CACNA1E: variants seen among roughly 807,000 people sequenced by gnomAD.
CACNA1E encodes voltage-dependent R-type calcium channel subunit alpha-1E.
A neutral mutation model predicts 259.2 loss-of-function variants in CACNA1E; 40 were observed. That is an observed-to-expected ratio of 0.15 (90% CI 0.12 to 0.20). CACNA1E has a LOEUF of 0.20. Ranked by LOEUF, CACNA1E falls within the 10% of genes least tolerant of loss-of-function variation. The pLI is 1.00. For synonymous variants in CACNA1E, 1,104 were observed against 1,138.5 expected (o/e 0.97, Z 0.61); for missense variants, 1,874 against 3,040.1 (o/e 0.62, Z 9.02).
intron 18 of CACNA1E, among the ~76,000 whole-genome samples, chr1:181,726,758 C>T (rs750241277): frequency 1.3e-4 from 20 of 152,016 alleles, no homozygotes; most frequent in Middle Eastern, 6.8e-3. Context: ...GCATAATGGA[C>T]TGTAGGGGCC....
At chr1:181,579,945 T>C (rs541502772) in intron 5 of CACNA1E, among the ~76,000 whole-genome samples, 1 of 152,328 alleles carries the variant, frequency 6.6e-6, no homozygotes, top group South Asian at 2.1e-4. Flanking sequence ...ATTGTTAGGG[T>C]ACACAACCCC....
intron 1 of CACNA1E, among the ~76,000 whole-genome samples, chr1:181,359,835 G>A (rs1653728564): frequency 6.6e-6 from 1 of 152,186 alleles, no homozygotes; most frequent in African/African-American, 2.4e-5. Context: ...TATTCTGCTA[G>A]AGAAGAAACT....
chr1:181,578,583 T>C (rs763688845), intron 4 of CACNA1E, among the ~76,000 whole-genome samples: 17 of 152,174 alleles, frequency 1.1e-4, no homozygotes, highest in Non-Finnish European at 2.2e-4. Context: ...AAAAAATTCT[T>C]ATATGTGTTA....
chr1:181,664,619 TTC>T (rs1270050725), intron 7 of CACNA1E, among the ~76,000 whole-genome samples: 1 of 152,290 alleles, frequency 6.6e-6, no homozygotes, highest in East Asian at 1.9e-4. Flanking sequence ...TTAATTAAAA[TTC>T]TGTCTCCTTT....
chr1:181,449,743 G>T (rs1283673188), intron 2 of CACNA1E, among the ~76,000 whole-genome samples: 4 of 152,156 alleles, frequency 2.6e-5, no homozygotes, highest in Non-Finnish European at 4.4e-5. Context: ...GTGCTAGGCT[G>T]TGAATTCCTT....
At chr1:181,775,921 G>A (rs969155610) in intron 37 of CACNA1E, among the ~76,000 whole-genome samples, 180 bp from the exon 38 acceptor site, 1 of 152,156 alleles carries the variant, frequency 6.6e-6, no homozygotes, top group South Asian at 2.1e-4. Flanking sequence ...TCTGTGATCC[G>A]GCACTTGGAT....
intron 6 of CACNA1E, among the ~76,000 whole-genome samples, chr1:181,622,912 C>T (rs1287912490): frequency 1.3e-5 from 2 of 152,174 alleles, no homozygotes; most frequent in Non-Finnish European, 2.9e-5. Context: ...TGCTTAGGAG[C>T]TTTTTCTGGG....
intron 43 of CACNA1E, among the ~76,000 whole-genome samples, chr1:181,786,086 TG>T (rs1660823279): frequency 6.6e-6 from 1 of 152,166 alleles, no homozygotes; most frequent in Non-Finnish European, 1.5e-5. Context: ...TTAATATACT[TG>T]GGTCTTATAG....
intron 1 of CACNA1E, among the ~76,000 whole-genome samples, chr1:181,353,774 T>TA (rs1285233334): frequency 2.0e-5 from 3 of 152,152 alleles, no homozygotes; most frequent in African/African-American, 7.2e-5. Context: ...GGAACATAGA[T>TA]AGATTCTACC....
At position 181,520,872 on chromosome 1, in the gene CACNA1E, C is replaced by A. The variant is rs149668474; in HGVS notation, c.512+9362C>A. Among the ~76,000 whole-genome samples, 352 of 152,258 alleles carry A rather than the reference C, an allele frequency of 2.3e-3. 2 individuals are homozygous for A. Among genetic ancestry groups the A allele is most frequent in the Middle Eastern group, 6.8e-3 (2 of 294 alleles). On this transcript the variant is annotated intron_variant, in intron 3 of 47. Coordinates refer to ENST00000367573, the MANE Select transcript of CACNA1E (RefSeq NM_001205293.3). Reference sequence around the variant, plus strand: ...TCCCTTTCTTTGTCTTCTATCCTCCCCACTTCTCACAAAACATACACAGGC... The same window carrying A: ...TCCCTTTCTTTGTCTTCTATCCTCCACACTTCTCACAAAACATACACAGGC...
chr1:181,662,982 C>T (rs888247763), intron 7 of CACNA1E, among the ~76,000 whole-genome samples: 1 of 152,142 alleles, frequency 6.6e-6, no homozygotes, highest in South Asian at 2.1e-4. Context: ...TCCTGCTCAT[C>T]CCTCTCAGCT....
chr1:181,546,481 C>G (rs1287513435), intron 3 of CACNA1E, among the ~76,000 whole-genome samples: 1 of 152,164 alleles, frequency 6.6e-6, no homozygotes, highest in Admixed American at 6.5e-5. Flanking sequence ...ATAAAAGTCC[C>G]TGCTGGGGCC....
chr1:181,484,822 C>T (rs1175028513), intron 1 of CACNA1E, among the ~76,000 whole-genome samples: 2 of 152,208 alleles, frequency 1.3e-5, no homozygotes, highest in Non-Finnish European at 2.9e-5. Flanking sequence ...AATTCATCCG[C>T]TGAGGCCAGA....
intron 6 of CACNA1E, among the ~76,000 whole-genome samples, chr1:181,605,609 A>G (rs1654159998): frequency 6.6e-6 from 1 of 152,208 alleles, no homozygotes. Flanking sequence ...GGTCGGGAGC[A>G]AGCACAAATC....
At chr1:181,330,792 C>A (rs1031978723) in intron 1 of CACNA1E, among the ~76,000 whole-genome samples, 2 of 152,218 alleles carry the variant, frequency 1.3e-5, no homozygotes, top group Non-Finnish European at 2.9e-5. Flanking sequence ...AGCTAAGTGG[C>A]TCCATACAGT....
chr1:181,542,882 G>A (rs907115216), intron 3 of CACNA1E, among the ~76,000 whole-genome samples: 5 of 149,034 alleles, frequency 3.4e-5, no homozygotes, highest in African/African-American at 1.2e-4. Context: ...TAAGGGGTTT[G>A]ATGTGTTTAT....
chr1:181,681,620 G>A (rs1469313364), intron 7 of CACNA1E, among the ~76,000 whole-genome samples: 1 of 152,094 alleles, frequency 6.6e-6, no homozygotes, highest in Non-Finnish European at 1.5e-5. Context: ...AAAAACCTTA[G>A]ACTATTTCCT....
At chr1:181,673,526 C>A (rs1373604184) in intron 7 of CACNA1E, among the ~76,000 whole-genome samples, 1 of 152,200 alleles carries the variant, frequency 6.6e-6, no homozygotes, top group Non-Finnish European at 1.5e-5. Flanking sequence ...ATTTGTGGAG[C>A]ACCTACTATG....
chr1:181,548,757 T>C (rs1376817094), intron 3 of CACNA1E, among the ~76,000 whole-genome samples: 1 of 152,252 alleles, frequency 6.6e-6, no homozygotes, highest in Non-Finnish European at 1.5e-5. Flanking sequence ...TGGGCAAAGA[T>C]AGTTTTGTGT....
Sources: gnomAD v4.1 joint callset for allele counts (sites outside exome capture counted in the v4.1 genomes callset) on GRCh38, gnomAD v4.1.1 for gene constraint, MANE v1.5 for transcripts, NCBI Gene and HGNC (gene_info 2026-07-23, HGNC 2026-07-21) for gene names.